The following RASA2 variants were observed in gnomAD, a reference collection of about 807,000 sequenced individuals.
The protein encoded by RASA2 is ras GTPase-activating protein 2.
In RASA2, 155 loss-of-function variants were observed where a neutral mutation model predicts 118.2. The observed-to-expected ratio is 1.31, with a 90% CI of 1.15 to 1.50. The LOEUF (loss-of-function observed/expected upper bound fraction) is 1.50. RASA2 is among the 40% of genes most tolerant of loss of function. The pLI is 0.00. For missense variants in RASA2, 1,016 were observed against 1,009.6 expected, an observed-to-expected ratio of 1.01 and a Z score of -0.09; for synonymous variants, 353 against 349.1, an observed-to-expected ratio of 1.01 and a Z score of -0.12.
chr3:141,573,693 TCTTG>T (rs779141704), intron 13 of RASA2, among the ~76,000 whole-genome samples: 2 of 152,234 alleles, frequency 1.3e-5, no homozygotes, highest in Admixed American at 1.3e-4. Context: ...TTTTATTCCC[TCTTG>T]CTTCTTGTGA....
At chr3:141,545,095 A>G (rs969060151) in intron 5 of RASA2, among the ~76,000 whole-genome samples, 4 of 152,204 alleles carry the variant, frequency 2.6e-5, no homozygotes, top group African/African-American at 2.4e-5. Flanking sequence ...CTTGTGACAC[A>G]AGTTTGCCTA....
chr3:141,520,011 CTTTTT>C (rs559634060), intron 3 of RASA2, among the ~76,000 whole-genome samples: 1 of 109,782 alleles, frequency 9.1e-6, no homozygotes, highest in East Asian at 2.5e-4. Flanking sequence ...TTCTTTTTCT[CTTTTT>C]TTTTTTTTTT....
rs191960228 is a variant in RASA2 at position 141,499,254 on chromosome 3, C to T, written c.133+12038C>T. 5.9e-5 allele frequency among the ~76,000 whole-genome samples: 9 copies of T among 152,244 alleles called. No individual in the cohort carries two copies. The East Asian group carries it at 7.7e-4, about 13-fold the overall frequency. The stretch of plus-strand genomic sequence containing the variant: ...CTGAGGAGTTGCAGTGGTATTTATG[C>T]GTTTACTTTGACTTTGTCTTGTCAC... On this transcript the variant is annotated intron_variant, in intron 1 of 23. Transcript: ENST00000286364.
chr3:141,551,998 A>G (rs1471021226), intron 5 of RASA2, among the ~76,000 whole-genome samples: 3 of 152,180 alleles, frequency 2.0e-5, no homozygotes, highest in South Asian at 2.1e-4. Context: ...TAGAAAAATA[A>G]TATTTCCAAA....
At chr3:141,600,940 A>T (rs1020246640) in intron 19 of RASA2, among the ~76,000 whole-genome samples, 3 of 152,224 alleles carry the variant, frequency 2.0e-5, no homozygotes, top group African/African-American at 4.8e-5. Context: ...TAGGTTTAGG[A>T]TAAGAGAGAA....
Position 141,610,119 on chromosome 3 carries a change from G to A in RASA2, c.2519+53G>A, listed in dbSNP as rs1577836941. The stretch of plus-strand genomic sequence containing the variant: ...ATATTTTTAAACGGAGTTTGAGATT[G>A]CCTCTCCTGCCCCAACCTCACACCT... On this transcript the variant is annotated intron_variant, in intron 23 of 23. Transcript: ENST00000286364. 7.7e-6 allele frequency: 11 copies of A among 1,429,830 alleles called. No homozygotes were observed. The South Asian group carries it at 1.4e-4, about 18-fold the overall frequency. The allele number at this position is 1,429,830 out of a possible 1,614,324, so 88.6% of individuals were successfully genotyped here. A position where few individuals can be genotyped will look rare whatever the true frequency, so the allele number is the denominator to read the frequency against.
At chr3:141,603,344 G>C (rs555437322) in intron 19 of RASA2, among the ~76,000 whole-genome samples, 8 of 152,204 alleles carry the variant, frequency 5.3e-5, no homozygotes, top group Non-Finnish European at 1.0e-4. Flanking sequence ...GCCAAGGCGG[G>C]TGGATCACCT....
At chr3:141,505,936 T>C (rs939483210) in intron 1 of RASA2, among the ~76,000 whole-genome samples, 1 of 152,176 alleles carries the variant, frequency 6.6e-6, no homozygotes, top group Non-Finnish European at 1.5e-5. Context: ...GATATTTCAT[T>C]TTATATTTGG....
intron 1 of RASA2, among the ~76,000 whole-genome samples, chr3:141,502,830 A>G (rs562938687): frequency 1.3e-5 from 2 of 152,160 alleles, no homozygotes; most frequent in Non-Finnish European, 2.9e-5. Context: ...GATTAATCCC[A>G]CTGGGACCCA....
chr3:141,580,575 C>CACACAG (rs914356778), intron 16 of RASA2, 124 bp downstream of exon 16: 63 of 642,608 alleles, frequency 9.8e-5, no homozygotes, highest in South Asian at 5.0e-4. Flanking sequence ...CACACACACA[C>CACACAG]ACAGACACAA....
intron 1 of RASA2, among the ~76,000 whole-genome samples, chr3:141,502,039 T>G (rs1338809480): frequency 6.6e-6 from 1 of 152,202 alleles, no homozygotes; most frequent in Non-Finnish European, 1.5e-5. Context: ...CCAACATGAT[T>G]CTCAAAGGAA....
intron 5 of RASA2, among the ~76,000 whole-genome samples, chr3:141,550,172 A>G (rs1443965458): frequency 1.3e-5 from 2 of 152,224 alleles, no homozygotes; most frequent in African/African-American, 4.8e-5. Flanking sequence ...CTAAGTGAGC[A>G]TAAGTGTGGT....
intron 3 of RASA2, among the ~76,000 whole-genome samples, chr3:141,518,463 A>G (rs2082063008): frequency 7.1e-6 from 1 of 140,382 alleles, no homozygotes; most frequent in African/African-American, 2.7e-5. Flanking sequence ...AGCCTCGGCA[A>G]CAGAGCAAGA....
chr3:141,526,107 T>TA (rs2082180776), intron 3 of RASA2: 1 of 152,178 alleles, frequency 6.6e-6, no homozygotes, highest in Admixed American at 6.5e-5. Context: ...AGTTTAAAAA[T>TA]ATTGTTCAGC....
At position 141,586,048 on chromosome 3, in the gene RASA2, T is replaced by C. The variant is rs2083196188; in HGVS notation, c.1776T>C (p.Thr592=). Residue 592 remains threonine (T), a synonymous_variant, in exon 18 of 24, where the codon ACT becomes ACC. Coordinates refer to ENST00000286364, the MANE Select transcript of RASA2 (RefSeq NM_006506.5). ...VKKFLDEISS[T]ETKESSGTSE... ...AGTTCTTGGATGAAATTTCATCTAC[T>C]GAAACTAAAGAGTCCAGTGGTACGA... 1 of 1,610,780 alleles carries C rather than the reference T, an allele frequency of 6.2e-7. No individual in the cohort carries two copies. Among genetic ancestry groups the C allele is most frequent in the Non-Finnish European group, 8.5e-7 (1 of 1,177,228 alleles).
chr3:141,585,687 C>G (rs1170906094), intron 17 of RASA2, among the ~76,000 whole-genome samples: 1 of 152,106 alleles, frequency 6.6e-6, no homozygotes, highest in Non-Finnish European at 1.5e-5. Flanking sequence ...GTAATCCCAG[C>G]TACTTGGGAA....
chr3:141,606,627 CATT>C (rs1250475558), intron 19 of RASA2, among the ~76,000 whole-genome samples: 1 of 151,862 alleles, frequency 6.6e-6, no homozygotes, highest in African/African-American at 2.4e-5. Context: ...TTTTTAAAAA[CATT>C]ATATGTCACA....
At chr3:141,591,049 T>C (rs973539869) in intron 19 of RASA2, among the ~76,000 whole-genome samples, 1 of 152,202 alleles carries the variant, frequency 6.6e-6, no homozygotes, top group African/African-American at 2.4e-5. Flanking sequence ...AATTATGATT[T>C]TATATTGCTA....
chr3:141,571,949 A>G (rs2082927162), intron 11 of RASA2, among the ~76,000 whole-genome samples: 1 of 150,282 alleles, frequency 6.7e-6, no homozygotes, highest in South Asian at 2.1e-4. Flanking sequence ...ATAGTCTAAC[A>G]CTGTTGTTTT....
Sources: allele counts gnomAD v4.1 joint callset (sites outside exome capture counted in the v4.1 genomes callset), GRCh38; gene constraint gnomAD v4.1.1; transcripts MANE v1.5; gene names NCBI Gene and HGNC (gene_info 2026-07-23, HGNC 2026-07-21).